The following SYNCRIP variants were observed in gnomAD, a reference collection of about 807,000 sequenced individuals.
SYNCRIP encodes synaptotagmin binding cytoplasmic RNA interacting protein, also known as heterogeneous nuclear ribonucleoprotein Q.
SYNCRIP carries 9 observed loss-of-function variants against 68.9 expected under a neutral mutation model. That is an observed-to-expected ratio of 0.13 (90% CI 0.08 to 0.23). The LOEUF (loss-of-function observed/expected upper bound fraction) is 0.23. Ranked by LOEUF, SYNCRIP falls within the 10% of genes least tolerant of loss-of-function variation. The probability of loss-of-function intolerance (pLI) is 1.00; values close to 1 mark genes in which losing one functional copy is unlikely to be tolerated. For missense variants in SYNCRIP, 414 were observed against 770.6 expected, an observed-to-expected ratio of 0.54 and a Z score of 5.48; for synonymous variants, 258 against 254.0, an observed-to-expected ratio of 1.02 and a Z score of -0.15.
chr6:85,635,637 A>T (rs887724646), intron 6 of SYNCRIP, among the ~76,000 whole-genome samples: 4 of 151,702 alleles, frequency 2.6e-5, no homozygotes, highest in African/African-American at 9.7e-5. Flanking sequence ...AGGTGTGGTG[A>T]TAAATGCCTG....
intron 6 of SYNCRIP, 35 bp from the exon 7 acceptor site, chr6:85,624,147 T>A (rs1260809395): frequency 1.9e-6 from 3 of 1,589,088 alleles, no homozygotes; most frequent in Non-Finnish European, 2.6e-6. Flanking sequence ...GTTTTTAAAT[T>A]ACTTATACAA....
chr6:85,641,481 T>G, intron 1 of SYNCRIP, 30 bp from the exon 2 acceptor site: 1 of 1,587,050 alleles, frequency 6.3e-7, no homozygotes, highest in Non-Finnish European at 8.6e-7. Flanking sequence ...AAAATTAAAC[T>G]AGGATCTTCA....
chr6:85,642,337 C>T (rs1809287268), intron 1 of SYNCRIP, among the ~76,000 whole-genome samples: 1 of 152,196 alleles, frequency 6.6e-6, no homozygotes, highest in Non-Finnish European at 1.5e-5. Context: ...AGGTCCCCAC[C>T]CCTTACCCTT....
chr6:85,618,745 A>C (rs192452700), intron 10 of SYNCRIP, 73 bp downstream of exon 10: 8 of 1,325,180 alleles, frequency 6.0e-6, no homozygotes, highest in Non-Finnish European at 8.3e-6. Context: ...AGTCTGATCA[A>C]CACCTGTTAT....
At position 85,640,551 on chromosome 6, in the gene SYNCRIP, A is replaced by G. The variant is rs1360958472; in HGVS notation, c.162T>C (p.His54=). 1.3e-6 allele frequency: 2 copies of G among 1,579,420 alleles called. No homozygotes were observed. The highest frequency in any genetic ancestry group is 2.7e-5 in the African/African-American group (2 of 72,884). The change falls in exon 3 of 11, where the codon CAT becomes CAC. Residue 54 remains histidine, a synonymous_variant. Coordinates refer to ENST00000369622, the MANE Select transcript of SYNCRIP (RefSeq NM_006372.5). Reference sequence around the variant, plus strand: ...CAATAGCTCTTTCATCTAAATCACTATGTGCAACTAGCCCTGAAAAAAATA... The same window carrying G: ...CAATAGCTCTTTCATCTAAATCACTGTGTGCAACTAGCCCTGAAAAAAATA... ...DEIYVAGLVA[H]SDLDERAIEA... is the part of the protein sequence containing the mutation.
At chr6:85,620,420 T>C (rs1275357254) in intron 8 of SYNCRIP, among the ~76,000 whole-genome samples, 1 of 152,164 alleles carries the variant, frequency 6.6e-6, no homozygotes, top group Non-Finnish European at 1.5e-5. Context: ...AAGAAGCCAA[T>C]GTGAAGGTTA....
chr6:85,629,659 T>C lies in SYNCRIP; in HGVS notation c.667-5547A>G, dbSNP rs1000504218. On this transcript the variant is annotated intron_variant, in intron 6 of 10. Coordinates refer to ENST00000369622, the MANE Select transcript of SYNCRIP (RefSeq NM_006372.5). ...CAATATGGTGAAACCCCATCTCTAC[T>C]AAAAACACAAAAATTAGCCAGGCGT... is the stretch of plus-strand genomic sequence containing the variant. Among the ~76,000 whole-genome samples, 5 of 151,362 alleles carry C rather than the reference T, an allele frequency of 3.3e-5. No individual in the cohort carries two copies. The East Asian group carries it at 5.9e-4, about 18-fold the overall frequency.
intron 6 of SYNCRIP, among the ~76,000 whole-genome samples, chr6:85,635,181 A>AAACTAAAGGATTTCTAAGGT (rs1478571092): frequency 1.3e-5 from 2 of 152,248 alleles, no homozygotes; most frequent in East Asian, 3.9e-4. Flanking sequence ...TCATAAAAAC[A>AAACTAAAGGATTTCTAAGGT]AACTAAAGGA....
At chr6:85,610,286 G>T (rs1396835377), downstream of SYNCRIP, 1 of 151,912 alleles carries the variant, frequency 6.6e-6, no homozygotes, top group African/African-American at 2.4e-5. Context: ...CAGTGCAAAT[G>T]ATATTTAATT....
downstream of SYNCRIP, chr6:85,611,462 G>A (rs770376496): frequency 6.6e-6 from 1 of 152,430 alleles, no homozygotes; most frequent in Non-Finnish European, 1.5e-5. Flanking sequence ...TTAAGTATAA[G>A]CTCTGATCTT....
chr6:85,628,971 A>C (rs1807389481), intron 6 of SYNCRIP, among the ~76,000 whole-genome samples: 1 of 151,992 alleles, frequency 6.6e-6, no homozygotes, highest in African/African-American at 2.4e-5. Context: ...AAAATCTCCG[A>C]TCTTTCTCCT....
rs529341367 is a variant in SYNCRIP at position 85,624,944 on chromosome 6, AC to A, written c.667-833del. 2.0e-5 allele frequency among the ~76,000 whole-genome samples: 3 copies of A among 152,244 alleles called. No individual in the cohort carries two copies. In the East Asian group the frequency reaches 5.8e-4, roughly 29 times the overall value. On this transcript the variant is annotated intron_variant, in intron 6 of 10. Transcript: ENST00000369622. The stretch of plus-strand genomic sequence containing the variant: ...TTATTGATTAATCCTCCCACACCTA[AC>A]CTCAAAATCTATTCTACACGTGGAG...
intron 1 of SYNCRIP, among the ~76,000 whole-genome samples, chr6:85,642,201 G>A (rs1809257864): frequency 6.6e-6 from 1 of 152,044 alleles, no homozygotes; most frequent in Non-Finnish European, 1.5e-5. Flanking sequence ...CAGGCCACAG[G>A]CTCTCCCCGC....
At chr6:85,640,159 T>C in intron 4 of SYNCRIP, 62 bp downstream of exon 4, 12 of 1,148,576 alleles carry the variant, frequency 1.0e-5, no homozygotes, top group Non-Finnish European at 1.6e-5. Context: ...CAAGGAATAT[T>C]TACCAAAATT....
intron 6 of SYNCRIP, among the ~76,000 whole-genome samples, chr6:85,631,381 A>C: frequency 6.6e-6 from 1 of 151,562 alleles, no homozygotes; most frequent in African/African-American, 2.4e-5. Context: ...AAGGCGAAAC[A>C]TGGCTAAAAG....
intron 1 of SYNCRIP, among the ~76,000 whole-genome samples, chr6:85,642,530 C>T (rs1809326082): frequency 6.6e-6 from 1 of 152,166 alleles, no homozygotes; most frequent in Non-Finnish European, 1.5e-5. Context: ...ACTCTGAAGC[C>T]GCTCGCGGTC....
At chr6:85,642,712 G>A (rs1302203740) in intron 1 of SYNCRIP, 85 bp downstream of exon 1, 3 of 153,008 alleles carry the variant, frequency 2.0e-5, no homozygotes, top group Middle Eastern at 3.4e-3. Flanking sequence ...CAGAAAAGCC[G>A]GTTTCTACCC....
chr6:85,619,393 G>C lies in SYNCRIP; in HGVS notation c.1033C>G (p.Leu345Val), dbSNP rs1806136391. The stretch of plus-strand genomic sequence containing the variant: ...ATCTCTTCTGTTACAGTATTGGCAA[G>C]GTTGCGTACAAACAGCACTTTTACC... ...AKVKVLFVRN[L>V]ANTVTEEILE... is the part of the protein sequence containing the mutation. The change falls in exon 9 of 11, where the codon CTT (leucine) becomes GTT (valine). Residue 345 changes from leucine to valine, a missense_variant. Physicochemically the swap from Leu to Val is conservative, Grantham distance 32. Coordinates refer to ENST00000369622, the MANE Select transcript of SYNCRIP (RefSeq NM_006372.5). 2.5e-6 allele frequency: 4 copies of C among 1,613,156 alleles called. No individual in the cohort carries two copies. The highest frequency in any genetic ancestry group is 3.4e-6 in the Non-Finnish European group (4 of 1,179,872).
intron 10 of SYNCRIP, among the ~76,000 whole-genome samples, chr6:85,617,507 T>C (rs1805915348): frequency 6.6e-6 from 1 of 152,254 alleles, no homozygotes; most frequent in African/African-American, 2.4e-5. Flanking sequence ...CTAACTCTTT[T>C]TGTAGTCTTC....
Sources: gnomAD v4.1 joint callset for allele counts (sites outside exome capture counted in the v4.1 genomes callset) on GRCh38, gnomAD v4.1.1 for gene constraint, MANE v1.5 for transcripts, NCBI Gene and HGNC (gene_info 2026-07-23, HGNC 2026-07-21) for gene names.